Variants in MLLT3 observed in about 807,000 individuals in gnomAD.
The protein encoded by MLLT3 is MLLT3 super elongation complex subunit.
MLLT3 carries 4 observed loss-of-function variants against 53.2 expected under a neutral mutation model. That is an observed-to-expected ratio of 0.08 (90% CI 0.04 to 0.17). MLLT3 has a LOEUF of 0.17. MLLT3 is among the 10% of genes least tolerant of loss of function. The probability of loss-of-function intolerance (pLI) is 1.00; values close to 1 mark genes in which losing one functional copy is unlikely to be tolerated. For missense variants in MLLT3, 569 were observed against 684.0 expected (o/e 0.83, Z 1.87); for synonymous variants, 283 against 230.6 (o/e 1.23, Z -2.06).
chr9:20,390,204 G>C (rs1394544990), intron 5 of MLLT3, among the ~76,000 whole-genome samples: 1 of 152,142 alleles, frequency 6.6e-6, no homozygotes, highest in East Asian at 1.9e-4. Flanking sequence ...AAAATATGTT[G>C]AGATATTTGG....
At chr9:20,583,143 T>C (rs1362482657) in intron 2 of MLLT3, among the ~76,000 whole-genome samples, 3 of 152,158 alleles carry the variant, frequency 2.0e-5, no homozygotes, top group South Asian at 2.1e-4. Flanking sequence ...TGGGAGAAAC[T>C]GGCCAAACAA....
intron 2 of MLLT3, among the ~76,000 whole-genome samples, chr9:20,530,304 A>T (rs1417080828): frequency 3.9e-5 from 6 of 152,218 alleles, no homozygotes; most frequent in African/African-American, 1.2e-4. Context: ...AAAATTACCA[A>T]GACTAGAACA....
chr9:20,370,395 A>G (rs1821568409), intron 5 of MLLT3, among the ~76,000 whole-genome samples: 1 of 151,984 alleles, frequency 6.6e-6, no homozygotes, highest in East Asian at 1.9e-4. Flanking sequence ...CCTGTCAATC[A>G]CCAACTCCCT....
At chr9:20,519,748 G>T (rs1422345892) in intron 2 of MLLT3, among the ~76,000 whole-genome samples, 6 of 152,120 alleles carry the variant, frequency 3.9e-5, no homozygotes, top group Non-Finnish European at 8.8e-5. Context: ...CACTGTTGGT[G>T]GGAGTGTAAA....
At chr9:20,450,473 T>TTTTG (rs1823811021) in intron 3 of MLLT3, among the ~76,000 whole-genome samples, 1 of 152,206 alleles carries the variant, frequency 6.6e-6, no homozygotes, top group African/African-American at 2.4e-5. Flanking sequence ...AGTCTCTTAC[T>TTTTG]ACCTTTCCTA....
chr9:20,511,537 G>A (rs960522418), intron 2 of MLLT3, among the ~76,000 whole-genome samples: 6 of 152,150 alleles, frequency 3.9e-5, no homozygotes, highest in East Asian at 1.9e-4. Context: ...TAGAAAAGGC[G>A]TTATGCTATG....
chr9:20,589,891 A>C (rs1372009662), intron 2 of MLLT3, among the ~76,000 whole-genome samples: 1 of 151,852 alleles, frequency 6.6e-6, no homozygotes, highest in African/African-American at 2.4e-5. Context: ...TTGTATTTTT[A>C]GTAGAGATGG....
chr9:20,578,130 T>G (rs1326593287), intron 2 of MLLT3, among the ~76,000 whole-genome samples: 2 of 152,282 alleles, frequency 1.3e-5, no homozygotes, highest in East Asian at 3.9e-4. Context: ...GTGGCTGGCA[T>G]GATAGAAGAG....
intron 10 of MLLT3, among the ~76,000 whole-genome samples, chr9:20,352,125 G>T (rs372019716): frequency 6.6e-6 from 1 of 152,200 alleles, no homozygotes; most frequent in African/African-American, 2.4e-5. Flanking sequence ...ATTAAATTGC[G>T]AATGCCAATG....
intron 2 of MLLT3, chr9:20,533,077 G>T (rs531755009): frequency 2.7e-4 from 68 of 248,770 alleles, no homozygotes; most frequent in Admixed American, 1.0e-3. Context: ...GCCCTGTGTC[G>T]TAAAATGGGG....
rs1299499406 is a variant in MLLT3 at position 20,342,831 on chromosome 9, T to C, written c.*3612A>G. Reference sequence around the variant, plus strand: ...AGCAAGATTACTCTGATAATATATATGTGTATATATATATATATATGTATA... The same window carrying C: ...AGCAAGATTACTCTGATAATATATACGTGTATATATATATATATATGTATA... On this transcript the variant is annotated 3_prime_UTR_variant, in exon 11 of 11. Coordinates refer to ENST00000380338, the MANE Select transcript of MLLT3 (RefSeq NM_004529.4). 5 of 119,646 alleles carry C rather than the reference T, an allele frequency of 4.2e-5. No individual in the cohort carries two copies. The highest frequency in any genetic ancestry group is 7.8e-5 in the Non-Finnish European group (5 of 63,796). The allele number at this position is 119,646 out of a possible 1,614,324, so 7.4% of individuals were successfully genotyped here. A position where few individuals can be genotyped will look rare whatever the true frequency, so the allele number is the denominator to read the frequency against.
At chr9:20,378,685 C>T (rs1475419022) in intron 5 of MLLT3, among the ~76,000 whole-genome samples, 5 of 151,982 alleles carry the variant, frequency 3.3e-5, no homozygotes, top group African/African-American at 1.2e-4. Context: ...TATAATCAGT[C>T]TAAATGTGCT....
intron 2 of MLLT3, among the ~76,000 whole-genome samples, chr9:20,556,898 CA>C (rs1310904970): frequency 6.6e-6 from 1 of 151,890 alleles, no homozygotes; most frequent in African/African-American, 2.4e-5. Context: ...CAATATGCCC[CA>C]AATTACGTAT....
intron 2 of MLLT3, among the ~76,000 whole-genome samples, chr9:20,615,880 A>G (rs1820821335): frequency 1.8e-5 from 1 of 55,566 alleles, no homozygotes; most frequent in South Asian, 8.0e-4. Context: ...ATTTGAAAAA[A>G]AAAAAAAAAA....
At chr9:20,477,698 C>T (rs1824560504) in intron 2 of MLLT3, among the ~76,000 whole-genome samples, 1 of 152,132 alleles carries the variant, frequency 6.6e-6, no homozygotes, top group South Asian at 2.1e-4. Flanking sequence ...AGCTAGTGAC[C>T]TTTCTGGCTC....
chr9:20,373,796 T>C (rs1362516633), intron 5 of MLLT3, among the ~76,000 whole-genome samples: 1 of 152,152 alleles, frequency 6.6e-6, no homozygotes, highest in Non-Finnish European at 1.5e-5. Flanking sequence ...TATCTCTTCT[T>C]TCACAAATAT....
At chr9:20,546,710 G>A (rs1315329109) in intron 2 of MLLT3, among the ~76,000 whole-genome samples, 1 of 152,216 alleles carries the variant, frequency 6.6e-6, no homozygotes, top group East Asian at 1.9e-4. Flanking sequence ...CCAACCCGGA[G>A]ATCCATTCCT....
At chr9:20,548,560 T>G (rs1818847019) in intron 2 of MLLT3, among the ~76,000 whole-genome samples, 1 of 152,174 alleles carries the variant, frequency 6.6e-6, no homozygotes. Context: ...ACACCAAGGG[T>G]AAAACCTGCT....
At chr9:20,591,151 C>A (rs1028932585) in intron 2 of MLLT3, among the ~76,000 whole-genome samples, 6 of 152,070 alleles carry the variant, frequency 3.9e-5, no homozygotes, top group African/African-American at 1.4e-4. Flanking sequence ...ATTTATTGGA[C>A]CTATTTTTTG....
Sources: gnomAD v4.1 joint callset for allele counts (sites outside exome capture counted in the v4.1 genomes callset) on GRCh38, gnomAD v4.1.1 for gene constraint, MANE v1.5 for transcripts, NCBI Gene and HGNC (gene_info 2026-07-23, HGNC 2026-07-21) for gene names.